ADK: variants seen among roughly 807,000 people sequenced by gnomAD.
ADK encodes adenosine kinase.
Under a neutral mutation model 44.7 loss-of-function variants are expected in ADK, and 24 were observed. The observed-to-expected ratio is 0.54, with a 90% CI of 0.39 to 0.76. The LOEUF (loss-of-function observed/expected upper bound fraction) is 0.76. Ranked by LOEUF, ADK falls within the 30% of genes least tolerant of loss-of-function variation. The pLI, the probability that ADK is intolerant of heterozygous loss-of-function variation, is 0.00. For missense variants in ADK, 321 were observed against 425.1 expected, an observed-to-expected ratio of 0.76 and a Z score of 2.15; for synonymous variants, 128 against 142.6, an observed-to-expected ratio of 0.90 and a Z score of 0.73.
At chr10:74,221,504 G>T (rs1273915444) in intron 2 of ADK, among the ~76,000 whole-genome samples, 6 of 152,086 alleles carry the variant, frequency 3.9e-5, no homozygotes, top group Non-Finnish European at 7.4e-5. Flanking sequence ...TTTCTTCACA[G>T]AATTGGAAAA....
intron 6 of ADK, among the ~76,000 whole-genome samples, chr10:74,433,030 T>C (rs544800193): frequency 6.6e-6 from 1 of 152,324 alleles, no homozygotes; most frequent in South Asian, 2.1e-4. Flanking sequence ...TAGCTCTATG[T>C]ATCTTTTAGT....
chr10:74,305,045 A>G (rs1840197318), intron 3 of ADK, among the ~76,000 whole-genome samples: 2 of 152,218 alleles, frequency 1.3e-5, no homozygotes, highest in East Asian at 1.9e-4. Flanking sequence ...TAACATATGC[A>G]TATCCTCCCA....
chr10:74,648,534 T>C (rs1295945307), intron 9 of ADK, among the ~76,000 whole-genome samples: 1 of 151,594 alleles, frequency 6.6e-6, no homozygotes, highest in Non-Finnish European at 1.5e-5. Context: ...AAAAATTCGC[T>C]GGGCGTGGTG....
intron 4 of ADK, among the ~76,000 whole-genome samples, chr10:74,317,337 G>A (rs551232660): frequency 1.7e-4 from 26 of 152,262 alleles, no homozygotes; most frequent in Admixed American, 1.3e-3. Context: ...ACTTGCTTAA[G>A]TTTGATAATT....
At chr10:74,197,713 A>T (rs1843213747) in intron 1 of ADK, among the ~76,000 whole-genome samples, 1 of 150,602 alleles carries the variant, frequency 6.6e-6, no homozygotes, top group Non-Finnish European at 1.5e-5. Flanking sequence ...AAAAAAAAGA[A>T]AAAAAAAAAG....
chr10:74,267,757 TGTGTGTGTGTGTGTG>T (rs1846268621), intron 3 of ADK, among the ~76,000 whole-genome samples: 4 of 127,182 alleles, frequency 3.1e-5, no homozygotes, highest in Admixed American at 3.1e-4. Context: ...TCCTTATTTG[TGTGTGTGTGTGTGTG>T]TGTGTGTGTG....
At chr10:74,554,616 G>A (rs1850167353) in intron 7 of ADK, among the ~76,000 whole-genome samples, 1 of 152,120 alleles carries the variant, frequency 6.6e-6, no homozygotes, top group South Asian at 2.1e-4. Flanking sequence ...CAATTCTATT[G>A]TTGGTTTCTT....
rs959781375 is a variant in ADK at position 74,630,552 on chromosome 10, CAAG to C, written c.877+30062_877+30064del. On this transcript the variant is annotated intron_variant, in intron 9 of 10. Coordinates refer to ENST00000539909, the MANE Select transcript of ADK (RefSeq NM_006721.4). ...TAAAATTCAGATTATGCATTTTTGGCAAGAATACCACAGAAATAATATTATGCT... is the reference window on the plus strand; with the variant it reads ...TAAAATTCAGATTATGCATTTTTGGCAATACCACAGAAATAATATTATGCT... Among the ~76,000 whole-genome samples the C allele has an allele frequency of 5.4e-4, 82 of 152,104 alleles. 1 individual carries two copies. The highest frequency in any genetic ancestry group is 4.8e-3 in the South Asian group (23 of 4,810).
chr10:74,616,726 G>A (rs1396448352), intron 9 of ADK, among the ~76,000 whole-genome samples: 2 of 152,116 alleles, frequency 1.3e-5, no homozygotes, highest in East Asian at 1.9e-4. Flanking sequence ...TTCTAGAACT[G>A]GCCTGTTAAT....
At chr10:74,686,207 C>T (rs1003998424) in intron 10 of ADK, among the ~76,000 whole-genome samples, 12 of 152,048 alleles carry the variant, frequency 7.9e-5, no homozygotes, top group East Asian at 5.8e-4. Flanking sequence ...CTGATCTGCC[C>T]GCCTAGGCCT....
intron 4 of ADK, among the ~76,000 whole-genome samples, chr10:74,355,239 A>G (rs1193726568): frequency 1.3e-5 from 2 of 152,224 alleles, no homozygotes; most frequent in African/African-American, 4.8e-5. Context: ...TTCTTGTGAG[A>G]TAAACCAACT....
intron 6 of ADK, among the ~76,000 whole-genome samples, chr10:74,475,408 G>T (rs1266137247): frequency 6.6e-6 from 1 of 151,994 alleles, no homozygotes; most frequent in African/African-American, 2.4e-5. Context: ...AGGATCACTG[G>T]TTCACTTTAT....
intron 4 of ADK, among the ~76,000 whole-genome samples, chr10:74,362,856 G>A (rs985177857): frequency 1.2e-4 from 18 of 152,188 alleles, no homozygotes; most frequent in Non-Finnish European, 1.9e-4. Context: ...GATGGACCTC[G>A]GGAAGACCCA....
chr10:74,431,066 C>CA (rs35141788), intron 6 of ADK, among the ~76,000 whole-genome samples: 30,768 of 57,248 alleles, frequency 0.54, 8,760 homozygotes, highest in Non-Finnish European at 0.61. Context: ...GACTCCGTCT[C>CA]AAAAAAAAAA....
At chr10:74,364,687 G>GGTGT (rs58295310) in intron 4 of ADK, among the ~76,000 whole-genome samples, 2,727 of 136,368 alleles carry the variant, frequency 0.02, 32 homozygotes, top group South Asian at 0.03. Context: ...CAAAGGCTAT[G>GGTGT]GTGTGTGTGT....
intron 9 of ADK, among the ~76,000 whole-genome samples, chr10:74,618,976 G>A (rs1852876772): frequency 1.3e-5 from 2 of 149,038 alleles, no homozygotes; most frequent in South Asian, 4.2e-4. Flanking sequence ...CATATACTAG[G>A]TCTTTTCATT....
intron 9 of ADK, among the ~76,000 whole-genome samples, chr10:74,613,959 A>T (rs1053866231): frequency 6.6e-6 from 1 of 152,152 alleles, no homozygotes; most frequent in Non-Finnish European, 1.5e-5. Context: ...GCATTCATAG[A>T]AAAAAGTTCT....
chr10:74,530,861 G>T (rs1394740124), intron 7 of ADK, among the ~76,000 whole-genome samples: 1 of 152,110 alleles, frequency 6.6e-6, no homozygotes, highest in African/African-American at 2.4e-5. Flanking sequence ...GGAAGCAGAG[G>T]TTGCAGCGAG....
chr10:74,634,326 C>T (rs956836005), intron 9 of ADK, among the ~76,000 whole-genome samples: 6 of 151,966 alleles, frequency 3.9e-5, no homozygotes, highest in East Asian at 1.9e-4. Flanking sequence ...GCCATTCTCC[C>T]GCCTCAGCCT....
Sources: gnomAD v4.1 joint callset for allele counts (sites outside exome capture counted in the v4.1 genomes callset) on GRCh38, gnomAD v4.1.1 for gene constraint, MANE v1.5 for transcripts, NCBI Gene and HGNC (gene_info 2026-07-23, HGNC 2026-07-21) for gene names.